The following TDRD15 variants were observed in gnomAD, a reference collection of about 807,000 sequenced individuals.
TDRD15 encodes the protein tudor domain containing 15, also known as tudor domain-containing protein 15.
For missense variants in TDRD15, 1,416 were observed against 904.7 expected (o/e 1.57, Z -7.25); for synonymous variants, 503 against 314.5 (o/e 1.60, Z -6.34).
chr2:21,128,534 G>T (rs1161054354), intron 2 of TDRD15, among the ~76,000 whole-genome samples: 1 of 152,032 alleles, frequency 6.6e-6, no homozygotes, highest in Admixed American at 6.6e-5. Context: ...GTGTTAGCCA[G>T]GATGGTCTCG....
At chr2:21,129,943 G>A (rs1665684786) in intron 2 of TDRD15, among the ~76,000 whole-genome samples, 1 of 152,202 alleles carries the variant, frequency 6.6e-6, no homozygotes, top group African/African-American at 2.4e-5. Flanking sequence ...CAGGTCCTGA[G>A]GTGGTACAGG....
chr2:21,140,886 A>G lies in TDRD15; in HGVS notation c.3419A>G (p.His1140Arg), dbSNP rs1433685327. The G allele has an allele frequency of 2.8e-6, 2 of 709,688 alleles. No homozygotes were observed. Among genetic ancestry groups the G allele is most frequent in the Admixed American group, 4.1e-5 (2 of 48,516 alleles). The allele number at this position is 709,688 out of a possible 1,614,324, so 44.0% of individuals were successfully genotyped here. ...YINEKIKVLL[H>R]AYGKRHCDQA... The stretch of plus-strand genomic sequence containing the variant: ...AATGAGAAAATTAAAGTGTTGCTTC[A>G]TGCTTATGGAAAAAGACATTGTGAC... Residue 1140 changes from histidine to arginine, a missense_variant, in exon 4 of 4, where the codon CAT (histidine) becomes CGT (arginine). Transcript: ENST00000405799.
At chr2:21,125,444 G>GTGTT (rs1447958402) in intron 1 of TDRD15, among the ~76,000 whole-genome samples, 1 of 151,610 alleles carries the variant, frequency 6.6e-6, no homozygotes, top group Non-Finnish European at 1.5e-5. Flanking sequence ...GTGTGTGTGT[G>GTGTT]TGTGTGAGTG....
In TDRD15 at chr2:21,143,318, C is replaced by T. The variant is rs1665976329; in HGVS notation, c.*46C>T. 1 of 506,572 alleles carries T rather than the reference C, an allele frequency of 2.0e-6. No homozygotes were observed. Among genetic ancestry groups the T allele is most frequent in the Non-Finnish European group, 3.5e-6 (1 of 283,052 alleles). The allele number at this position is 506,572 out of a possible 1,614,324, so 31.4% of individuals were successfully genotyped here. A position where few individuals can be genotyped will look rare whatever the true frequency, so the allele number is the denominator to read the frequency against. On this transcript the variant is annotated 3_prime_UTR_variant, in exon 4 of 4. Transcript: ENST00000405799. ...TCCCATTGTTAGATCAAAATTGTTA[C>T]AAAAAACAAAATATAAATTTTACAT...
rs534129667 is a variant in TDRD15 at position 21,139,568 on chromosome 2, G to C, written c.2101G>C (p.Glu701Gln). Residue 701 changes from glutamate (E) to glutamine (Q), a missense_variant, in exon 4 of 4, where the codon GAA becomes CAA. Physicochemically the swap from Glu to Gln is conservative, Grantham distance 29 (BLOSUM62 2). Coordinates refer to ENST00000405799, the MANE Select transcript of TDRD15 (RefSeq NM_001306137.2). ...TAAAAAAGTCATATCTGCCCTTCTT[G>C]AAGGACCTAAATCTAAAAAGTACCA... ...NIKKVISALL[E>Q]GPKSKKYHSN... 4 of 713,516 alleles carry C rather than the reference G, an allele frequency of 5.6e-6. No individual in the cohort carries two copies. In the East Asian group the frequency reaches 1.1e-4, roughly 19 times the overall value. The allele number at this position is 713,516 out of a possible 1,614,324, so 44.2% of individuals were successfully genotyped here. A position where few individuals can be genotyped will look rare whatever the true frequency, so the allele number is the denominator to read the frequency against.
chr2:21,142,525 G>T lies in TDRD15; in HGVS notation c.5058G>T (p.Leu1686Phe). The change falls in exon 4 of 4, where the codon TTG (leucine) becomes TTT (phenylalanine). Residue 1686 changes from leucine to phenylalanine, a missense_variant. Physicochemically the swap from Leu to Phe is conservative, Grantham distance 22. Coordinates refer to ENST00000405799, the MANE Select transcript of TDRD15 (RefSeq NM_001306137.2). ...TTTTGGTAGATGACCTGTTACTTTTGGAATACTTAAATTTGAATACAGTTC... is the reference window on the plus strand; with the variant it reads ...TTTTGGTAGATGACCTGTTACTTTTTGAATACTTAAATTTGAATACAGTTC... ...VEILVDDLLL[L>F]EYLNLNTVPV... 1.4e-6 allele frequency: 1 copy of T among 697,454 alleles called. No homozygotes were observed. The highest frequency in any genetic ancestry group is 1.6e-5 in the South Asian group (1 of 63,810). 43.2% of individuals were successfully genotyped at this position (697,454 alleles called of 1,614,324 possible). A position where few individuals can be genotyped will look rare whatever the true frequency, so the allele number is the denominator to read the frequency against.
rs759826875 is a variant in TDRD15, at chr2:21,144,291, G to C, written c.*1019G>C. On this transcript the variant is annotated 3_prime_UTR_variant, in exon 4 of 4. Coordinates refer to ENST00000405799, the MANE Select transcript of TDRD15 (RefSeq NM_001306137.2). Reference sequence around the variant, plus strand: ...TCATTTTCTGTATGGATTAGTTACTGAGGATTTTGTAGGCTGTAAAGAATG... The same window carrying C: ...TCATTTTCTGTATGGATTAGTTACTCAGGATTTTGTAGGCTGTAAAGAATG... Among the ~76,000 whole-genome samples the C allele has an allele frequency of 2.6e-5, 4 of 151,774 alleles. No homozygotes were observed. The highest frequency in any genetic ancestry group is 5.9e-5 in the Non-Finnish European group (4 of 67,792).
At chr2:21,132,872 A>G (rs943587069) in intron 2 of TDRD15, among the ~76,000 whole-genome samples, 1 of 152,120 alleles carries the variant, frequency 6.6e-6, no homozygotes, top group African/African-American at 2.4e-5. Context: ...AACTGTTGAC[A>G]TATTGGGCTG....
Position 21,142,705 on chromosome 2 carries a change from A to T in TDRD15, c.5238A>T (p.Ser1746=), listed in dbSNP as rs578217953. ...SGIATAVSDP[S]DFSIQLEDFF... ...TTGCAACTGCTGTTTCTGATCCATC[A>T]GACTTCAGTATTCAGTTAGAAGATT... Residue 1746 remains serine, a synonymous_variant, in exon 4 of 4, where the codon TCA becomes TCT. Coordinates refer to ENST00000405799, the MANE Select transcript of TDRD15 (RefSeq NM_001306137.2). The T allele has an allele frequency of 7.0e-6, 5 of 710,446 alleles. No homozygotes were observed. The African/African-American group carries it at 8.8e-5, about 12-fold the overall frequency. 44.0% of individuals were successfully genotyped at this position (710,446 alleles called of 1,614,324 possible).
Position 21,142,543 on chromosome 2 carries a change from T to A in TDRD15, c.5076T>A (p.Asn1692Lys). Residue 1692 changes from asparagine (N) to lysine (K), a missense_variant, in exon 4 of 4, where the codon AAT becomes AAA. Coordinates refer to ENST00000405799, the MANE Select transcript of TDRD15 (RefSeq NM_001306137.2). ...TACTTTTGGAATACTTAAATTTGAA[T>A]ACAGTTCCTGTTGAAGAAAACAAAC... ...DLLLLEYLNL[N>K]TVPVEENKLR... The A allele has an allele frequency of 4.3e-6, 3 of 704,816 alleles. No homozygotes were observed. Among genetic ancestry groups the A allele is most frequent in the Non-Finnish European group, 5.3e-6 (2 of 380,622 alleles). The allele number at this position is 704,816 out of a possible 1,614,324, so 43.7% of individuals were successfully genotyped here.
intron 2 of TDRD15, among the ~76,000 whole-genome samples, chr2:21,128,686 T>C (rs755499618): frequency 3.3e-5 from 5 of 152,146 alleles, no homozygotes; most frequent in Non-Finnish European, 7.4e-5. Context: ...ATTCCTTTTA[T>C]GGTTTTTGGG....
At chr2:21,136,266 C>A (rs1268994112) in intron 3 of TDRD15, among the ~76,000 whole-genome samples, 1 of 152,044 alleles carries the variant, frequency 6.6e-6, no homozygotes. Context: ...ACTTTATATT[C>A]TGTCCCTACA....
chr2:21,135,397 C>G (rs73920472), intron 3 of TDRD15, among the ~76,000 whole-genome samples: 2,368 of 151,726 alleles, frequency 0.016, 69 homozygotes, highest in African/African-American at 0.054. Context: ...GTTATGTTGT[C>G]TACCTGATGA....
Position 21,142,177 on chromosome 2 carries a change from A to G in TDRD15, c.4710A>G (p.Leu1570=), listed in dbSNP as rs1339971244. 2.1e-5 allele frequency: 14 copies of G among 673,718 alleles called. No homozygotes were observed. The highest frequency in any genetic ancestry group is 3.8e-5 in the Non-Finnish European group (14 of 373,124). The allele number at this position is 673,718 out of a possible 1,614,324, so 41.7% of individuals were successfully genotyped here. A position where few individuals can be genotyped will look rare whatever the true frequency, so the allele number is the denominator to read the frequency against. ...AAGAAGAAAAAAAATCCCCTTTTTT[A>G]TCAATGGAAAGTATTGAAAAAGGTT... The part of the protein sequence containing the change: ...ITKEEKKSPF[L]SMESIEKGLE... The change falls in exon 4 of 4, where the codon TTA becomes TTG. Residue 1570 remains leucine (L), a synonymous_variant. Coordinates refer to ENST00000405799, the MANE Select transcript of TDRD15 (RefSeq NM_001306137.2).
intron 2 of TDRD15, among the ~76,000 whole-genome samples, chr2:21,132,158 C>T (rs1413888815): frequency 6.6e-6 from 1 of 152,002 alleles, no homozygotes. Context: ...ATTGCAGCTT[C>T]AGTGTAATAA....
At chr2:21,129,804 C>T (rs1665682300) in intron 2 of TDRD15, among the ~76,000 whole-genome samples, 1 of 152,060 alleles carries the variant, frequency 6.6e-6, no homozygotes, top group Non-Finnish European at 1.5e-5. Flanking sequence ...TTTTCTGTTC[C>T]TTATAGCAAT....
downstream of TDRD15, among the ~76,000 whole-genome samples, chr2:21,145,755 C>T (rs1666020889): frequency 6.6e-6 from 1 of 151,904 alleles, no homozygotes; most frequent in East Asian, 1.9e-4. Context: ...TATCTCAGCT[C>T]CTACCACCTC....
Position 21,140,263 on chromosome 2 carries a change from T to C in TDRD15, c.2796T>C (p.Asn932=). The C allele has an allele frequency of 1.4e-6, 1 of 715,492 alleles. No individual in the cohort carries two copies. The highest frequency in any genetic ancestry group is 1.5e-5 in the South Asian group (1 of 67,552). The allele number at this position is 715,492 out of a possible 1,614,324, so 44.3% of individuals were successfully genotyped here. ...SFTSAKEFLM[N]RGSAQYITLS... ...CTAGTGCAAAAGAATTTCTTATGAA[T>C]CGTGGCTCTGCTCAGTATATCACAT... The change falls in exon 4 of 4, where the codon AAT becomes AAC. Residue 932 remains asparagine, a synonymous_variant. Transcript: ENST00000405799.
chr2:21,135,813 A>T (rs932252089), intron 3 of TDRD15, among the ~76,000 whole-genome samples: 4 of 151,938 alleles, frequency 2.6e-5, no homozygotes, highest in Non-Finnish European at 5.9e-5. Context: ...ACCCCTTCTG[A>T]TGTGGAATTC....
Sources: allele counts gnomAD v4.1 joint callset (sites outside exome capture counted in the v4.1 genomes callset), GRCh38; gene constraint gnomAD v4.1.1; transcripts MANE v1.5; gene names NCBI Gene and HGNC (gene_info 2026-07-23, HGNC 2026-07-21).